Variants in PCDH15 observed in about 807,000 individuals in gnomAD.
PCDH15 encodes the protein protocadherin related 15.
PCDH15 carries 129 observed loss-of-function variants against 178.5 expected under a neutral mutation model. The ratio of observed to expected loss-of-function variants is 0.72; its 90% CI spans 0.63 to 0.84. The LOEUF is 0.84. Ranked by LOEUF, PCDH15 falls within the 40% of genes least tolerant of loss-of-function variation. PCDH15 has a pLI of 0.00. For synonymous variants in PCDH15, 800 were observed against 732.0 expected (o/e 1.09, Z -1.50); for missense variants, 2,230 against 2,099.9 (o/e 1.06, Z -1.21).
chr10:55,342,540 G>A lies in PCDH15; in HGVS notation c.-155-175889C>T, dbSNP rs534916417. Among the ~76,000 whole-genome samples the A allele has an allele frequency of 9.2e-5, 14 of 152,044 alleles. No individual in the cohort carries two copies. The South Asian group carries it at 2.9e-3, about 32-fold the overall frequency. On this transcript the variant is annotated intron_variant, in intron 2 of 5. Coordinates refer to the PCDH15 transcript ENST00000613346. ...TCCCAGGCTGGCCTCAAACTCCTGG[G>A]CTCAAGCAATCCTCCTGTTTCAGCC...
At chr10:54,949,501 C>G (rs899127157) in intron 2 of PCDH15, among the ~76,000 whole-genome samples, 1 of 151,956 alleles carries the variant, frequency 6.6e-6, no homozygotes, top group African/African-American at 2.4e-5. Context: ...GAGACATTTT[C>G]CCCATCATTA....
chr10:53,880,647 G>A (rs943025692), intron 26 of PCDH15, among the ~76,000 whole-genome samples: 3 of 151,874 alleles, frequency 2.0e-5, no homozygotes, highest in Non-Finnish European at 2.9e-5. Flanking sequence ...AGAGTATGTC[G>A]AGGCAAATAT....
chr10:54,079,233 G>C, intron 17 of PCDH15, 98 bp downstream of exon 17: 2 of 1,198,862 alleles, frequency 1.7e-6, no homozygotes, highest in Non-Finnish European at 2.5e-6. Flanking sequence ...AGTTGCTCCA[G>C]ATGAAAAACA....
Position 53,840,437 on chromosome 10 carries a change from A to G in PCDH15, c.3866T>C (p.Ile1289Thr), listed in dbSNP as rs373401109. 2.0e-5 allele frequency: 32 copies of G among 1,613,996 alleles called. No individual in the cohort carries two copies. In the Middle Eastern group the frequency reaches 4.9e-4, roughly 25 times the overall value. Residue 1289 changes from isoleucine (I) to threonine (T), a missense_variant, in exon 29 of 38, where the codon ATT (isoleucine) becomes ACT (threonine). Ile to Thr is a moderately conservative substitution (Grantham distance 89, BLOSUM62 -1). Transcript: ENST00000644397. ...IPGAKVVVES[I>T]GARRHGDAFS... ...GGCATCTCCATGCCGGCGAGCTCCA[A>G]TGGACTCCACTACGACCTTGGCACC...
chr10:55,155,194 G>A (rs191630209), intron 2 of PCDH15, among the ~76,000 whole-genome samples: 13 of 152,234 alleles, frequency 8.5e-5, no homozygotes, highest in Non-Finnish European at 1.9e-4. Flanking sequence ...AGACATTACA[G>A]AATATATGTC....
rs760143246 is a variant in PCDH15 at position 55,514,424 on chromosome 10, A to G, written c.-156+113201T>C. 2.6e-5 allele frequency among the ~76,000 whole-genome samples: 4 copies of G among 152,214 alleles called. No homozygotes were observed. In the South Asian group the frequency reaches 6.2e-4, roughly 24 times the overall value. ...CGAAAGTTTGCTGAAAATCACTGGC[A>G]AAAGGCAGATTAACAGGAGAAAAGG... is the stretch of plus-strand genomic sequence containing the variant. On this transcript the variant is annotated intron_variant, in intron 2 of 5. Transcript: ENST00000613346.
chr10:54,584,264 C>A (rs1003708939), intron 2 of PCDH15, among the ~76,000 whole-genome samples: 2 of 151,920 alleles, frequency 1.3e-5, no homozygotes, highest in Non-Finnish European at 2.9e-5. Context: ...TGTGGTAGTG[C>A]CCACCTGTAG....
chr10:54,247,007 C>T (rs1183448232), intron 8 of PCDH15, among the ~76,000 whole-genome samples: 1 of 151,864 alleles, frequency 6.6e-6, no homozygotes, highest in Non-Finnish European at 1.5e-5. Flanking sequence ...CTTAATGATT[C>T]ACAAGAGTTC....
Position 55,609,172 on chromosome 10 carries a change from T to C in PCDH15, c.-156+18453A>G, listed in dbSNP as rs570458502. 1.2e-4 allele frequency among the ~76,000 whole-genome samples: 18 copies of C among 152,146 alleles called. No individual in the cohort carries two copies. In the East Asian group the frequency reaches 2.5e-3, roughly 21 times the overall value. ...TGACATCTGACCTGATTGGGAAGAA[T>C]TGTAATTCTTATATGTGCAAAAACA... On this transcript the variant is annotated intron_variant, in intron 2 of 5. Coordinates refer to the PCDH15 transcript ENST00000613346.
intron 2 of PCDH15, among the ~76,000 whole-genome samples, chr10:55,566,860 A>G (rs1445934946): frequency 6.6e-6 from 1 of 151,886 alleles, no homozygotes; most frequent in Non-Finnish European, 1.5e-5. Flanking sequence ...CACAGATTCA[A>G]TGCAAATCTA....
chr10:53,922,258 C>T (rs2084060845), intron 25 of PCDH15, among the ~76,000 whole-genome samples: 1 of 151,980 alleles, frequency 6.6e-6, no homozygotes, highest in Admixed American at 6.6e-5. Flanking sequence ...TTAGTATGTG[C>T]TTATTATAAT....
intron 2 of PCDH15, among the ~76,000 whole-genome samples, chr10:54,972,587 G>T (rs930539585): frequency 6.6e-6 from 1 of 151,546 alleles, no homozygotes; most frequent in East Asian, 2.0e-4. Context: ...GGTGGCTCAC[G>T]CCTGTAATCC....
intron 5 of PCDH15, among the ~76,000 whole-genome samples, chr10:54,355,549 T>C (rs943019233): frequency 2.0e-5 from 3 of 151,848 alleles, no homozygotes; most frequent in Non-Finnish European, 4.4e-5. Flanking sequence ...AAATGAGAAA[T>C]AAACAGGAAA....
At chr10:53,872,324 C>T (rs967943348) in intron 26 of PCDH15, among the ~76,000 whole-genome samples, 3 of 152,152 alleles carry the variant, frequency 2.0e-5, no homozygotes, top group Admixed American at 6.5e-5. Context: ...AGATATTCCG[C>T]TTAAAGAAAC....
chr10:55,392,802 T>G (rs1208882041), intron 2 of PCDH15, among the ~76,000 whole-genome samples: 1 of 152,116 alleles, frequency 6.6e-6, no homozygotes, highest in African/African-American at 2.4e-5. Flanking sequence ...ATTTGCAAAT[T>G]AATATAAATA....
chr10:54,920,468 CAAAAAAAAAA>C (rs71014429), intron 2 of PCDH15, among the ~76,000 whole-genome samples: 2 of 57,802 alleles, frequency 3.5e-5, no homozygotes, highest in African/African-American at 6.4e-5. Flanking sequence ...GACTGTGTCT[CAAAAAAAAAA>C]AAAAAAAAAA....
intron 31 of PCDH15, 70 bp downstream of exon 31, chr10:53,828,495 A>G: frequency 7.6e-7 from 1 of 1,308,396 alleles, no homozygotes; most frequent in Non-Finnish European, 1.1e-6. Context: ...GGCTGACTTG[A>G]TTGATATAAT....
intron 3 of PCDH15, among the ~76,000 whole-genome samples, chr10:54,811,004 T>C (rs770705131): frequency 7.9e-5 from 12 of 152,128 alleles, no homozygotes; most frequent in African/African-American, 2.7e-4. Flanking sequence ...TCTGTAGAAA[T>C]TCATAAGTGG....
At chr10:54,206,497 C>G (rs2050809749) in intron 10 of PCDH15, among the ~76,000 whole-genome samples, 1 of 152,050 alleles carries the variant, frequency 6.6e-6, no homozygotes, top group Non-Finnish European at 1.5e-5. Flanking sequence ...GCCTTCCAAC[C>G]AGCAAAGCCA....
Sources: allele counts gnomAD v4.1 joint callset (sites outside exome capture counted in the v4.1 genomes callset), GRCh38; gene constraint gnomAD v4.1.1; transcripts MANE v1.5; gene names NCBI Gene and HGNC (gene_info 2026-07-23, HGNC 2026-07-21).